ACOXL: variants seen among roughly 807,000 people sequenced by gnomAD.
The protein encoded by ACOXL is acyl-CoA oxidase like.
Under a neutral mutation model 71.9 loss-of-function variants are expected in ACOXL, and 70 were observed. The observed-to-expected ratio is 0.97, with a 90% CI of 0.80 to 1.19. The LOEUF is 1.19. Among genes scored for constraint, ACOXL ranks in the 50% most tolerant of loss-of-function variants. The probability of loss-of-function intolerance (pLI) is 0.00; values close to 1 mark genes in which losing one functional copy is unlikely to be tolerated. For synonymous variants in ACOXL, 253 were observed against 281.6 expected, an observed-to-expected ratio of 0.90 and a Z score of 1.02; for missense variants, 703 against 736.3, an observed-to-expected ratio of 0.95 and a Z score of 0.52.
intron 11 of ACOXL, among the ~76,000 whole-genome samples, chr2:110,911,316 T>G (rs2059641399): frequency 6.6e-6 from 1 of 152,066 alleles, no homozygotes; most frequent in South Asian, 2.1e-4. Context: ...TTAATATCAG[T>G]CCTCCACAAA....
At chr2:110,792,445 C>A (rs1008665085) in intron 3 of ACOXL, among the ~76,000 whole-genome samples, 1 of 152,210 alleles carries the variant, frequency 6.6e-6, no homozygotes, top group Non-Finnish European at 1.5e-5. Flanking sequence ...CATCCTCATC[C>A]TCTTTGTCTT....
At chr2:110,803,500 T>G (rs1182294027) in intron 8 of ACOXL, among the ~76,000 whole-genome samples, 4 of 152,122 alleles carry the variant, frequency 2.6e-5, no homozygotes, top group Non-Finnish European at 2.9e-5. Flanking sequence ...CTTTACTGCC[T>G]ACCATATACA....
intron 10 of ACOXL, among the ~76,000 whole-genome samples, chr2:110,866,869 G>A (rs1350020248): frequency 1.3e-5 from 2 of 152,160 alleles, no homozygotes; most frequent in African/African-American, 4.8e-5. Context: ...TGCTAGAGAC[G>A]AGGCTCCTAT....
At chr2:110,979,550 C>T (rs1335555829) in intron 12 of ACOXL, among the ~76,000 whole-genome samples, 1 of 152,142 alleles carries the variant, frequency 6.6e-6, no homozygotes, top group Non-Finnish European at 1.5e-5. Flanking sequence ...GTGAGGGCCC[C>T]AGCTGCCTGC....
intron 14 of ACOXL, among the ~76,000 whole-genome samples, chr2:111,025,977 G>A (rs947889150): frequency 1.4e-4 from 22 of 152,100 alleles, no homozygotes; most frequent in Admixed American, 3.3e-4. Flanking sequence ...GTTTTTTCAT[G>A]TGGATGTTCA....
At chr2:110,983,504 C>T (rs1214548148) in intron 12 of ACOXL, among the ~76,000 whole-genome samples, 1 of 152,090 alleles carries the variant, frequency 6.6e-6, no homozygotes, top group African/African-American at 2.4e-5. Context: ...GCTCACTCAC[C>T]CTAGAGTTCT....
intron 9 of ACOXL, among the ~76,000 whole-genome samples, chr2:110,810,522 A>T (rs375226920): frequency 4.0e-5 from 6 of 151,402 alleles, no homozygotes; most frequent in Non-Finnish European, 8.9e-5. Context: ...CCCACCACCC[A>T]TCCATCCACC....
intron 9 of ACOXL, among the ~76,000 whole-genome samples, chr2:110,838,333 C>T (rs1690710304): frequency 6.6e-6 from 1 of 152,044 alleles, no homozygotes; most frequent in South Asian, 2.1e-4. Flanking sequence ...TGTGTGTGTG[C>T]AGTGTACATG....
intron 12 of ACOXL, among the ~76,000 whole-genome samples, chr2:110,953,821 G>A (rs2061409373): frequency 6.6e-6 from 1 of 151,968 alleles, no homozygotes; most frequent in African/African-American, 2.4e-5. Context: ...GGCAGAGCAG[G>A]AGAGAGAGAG....
At chr2:111,022,479 G>A (rs1013592027) in intron 14 of ACOXL, among the ~76,000 whole-genome samples, 1 of 151,542 alleles carries the variant, frequency 6.6e-6, no homozygotes, top group African/African-American at 2.4e-5. Flanking sequence ...AAGTCAAACC[G>A]GAAGAGAGAC....
chr2:110,794,245 C>A, intron 5 of ACOXL, 71 bp downstream of exon 5: 1 of 1,425,052 alleles, frequency 7.0e-7, no homozygotes, highest in Non-Finnish European at 9.8e-7. Flanking sequence ...CTCCTTCTTT[C>A]TGTGTCCAGC....
At chr2:110,749,457 G>T (rs1678644980) in intron 1 of ACOXL, among the ~76,000 whole-genome samples, 1 of 152,208 alleles carries the variant, frequency 6.6e-6, no homozygotes. Context: ...CGGACAGGGT[G>T]GCTCACGCCT....
At chr2:110,926,200 T>C (rs929308326) in intron 11 of ACOXL, among the ~76,000 whole-genome samples, 13 of 152,198 alleles carry the variant, frequency 8.5e-5, no homozygotes, top group African/African-American at 2.9e-4. Flanking sequence ...TTGTGAGAAT[T>C]ACCAAAACGT....
At chr2:111,086,568 T>C (rs1009142916) in intron 16 of ACOXL, among the ~76,000 whole-genome samples, 1 of 152,106 alleles carries the variant, frequency 6.6e-6, no homozygotes, top group African/African-American at 2.4e-5. Context: ...GTATAGAGGG[T>C]TGGCTGTTGG....
At chr2:110,790,934 C>A (rs1684574465) in intron 3 of ACOXL, among the ~76,000 whole-genome samples, 1 of 152,236 alleles carries the variant, frequency 6.6e-6, no homozygotes, top group Non-Finnish European at 1.5e-5. Flanking sequence ...CTTCTCCTCC[C>A]AAATCCATCC....
chr2:110,962,481 G>A (rs1052784480), intron 12 of ACOXL, among the ~76,000 whole-genome samples: 3 of 152,236 alleles, frequency 2.0e-5, no homozygotes, highest in Non-Finnish European at 4.4e-5. Context: ...TAAACTGCAG[G>A]TGGTAACACC....
intron 2 of ACOXL, among the ~76,000 whole-genome samples, chr2:110,780,980 C>T (rs547958486): frequency 7.0e-4 from 106 of 152,138 alleles, no homozygotes; most frequent in African/African-American, 2.5e-3. Flanking sequence ...CAGTGAGCTA[C>T]GATCACACCA....
chr2:110,837,068 T>C (rs1490148042), intron 9 of ACOXL, among the ~76,000 whole-genome samples: 2 of 152,214 alleles, frequency 1.3e-5, no homozygotes, highest in Admixed American at 1.3e-4. Context: ...TGCTGGTGGG[T>C]TGGTGGCCTC....
chr2:110,979,064 G>A (rs2062586726), intron 12 of ACOXL, among the ~76,000 whole-genome samples: 1 of 151,842 alleles, frequency 6.6e-6, no homozygotes. Context: ...GAGGCCAGGG[G>A]AGGTGAGAAT....
Sources: gnomAD v4.1 joint callset for allele counts (sites outside exome capture counted in the v4.1 genomes callset) on GRCh38, gnomAD v4.1.1 for gene constraint, MANE v1.5 for transcripts, NCBI Gene and HGNC (gene_info 2026-07-23, HGNC 2026-07-21) for gene names.